Variants in MYO18B observed in about 807,000 individuals in gnomAD.
MYO18B encodes unconventional myosin-XVIIIb.
Under a neutral mutation model 273.0 loss-of-function variants are expected in MYO18B, and 204 were observed. The observed-to-expected ratio is 0.75, with a 90% confidence interval of 0.67 to 0.84. The LOEUF (loss-of-function observed/expected upper bound fraction) is 0.84, where lower values mean the gene tolerates loss of function less well. Among genes scored for constraint, MYO18B ranks in the 40% least tolerant of loss-of-function variants. The pLI is 0.00. For synonymous variants in MYO18B, 1,330 were observed against 1,305.7 expected (o/e 1.02, Z -0.40); for missense variants, 3,212 against 3,287.6 (o/e 0.98, Z 0.56).
intron 17 of MYO18B, among the ~76,000 whole-genome samples, chr22:25,838,251 T>C (rs1343377088): frequency 6.6e-6 from 1 of 151,808 alleles, no homozygotes. Flanking sequence ...CAGGCTAGAG[T>C]GCAGTGGCGC....
rs563397056 is a variant in MYO18B at position 25,753,180 on chromosome 22, C to T, written c.-109-7804C>T. On this transcript the variant is annotated intron_variant, in intron 1 of 43. Coordinates refer to ENST00000335473, the MANE Select transcript of MYO18B (RefSeq NM_032608.7). ...CAGTGCGGGAAGCTCAGCCCGTGGC[C>T]CCAGCGCAAGATCCACAAGGCGACC... Among the ~76,000 whole-genome samples, 32 of 152,262 alleles carry T rather than the reference C, an allele frequency of 2.1e-4. 2 individuals are homozygous for T. The highest frequency in any genetic ancestry group is 3.4e-3 in the Middle Eastern group (1 of 294).
At chr22:25,947,903 G>C in intron 36 of MYO18B, 75 bp downstream of exon 36, 1 of 1,080,048 alleles carries the variant, frequency 9.3e-7, no homozygotes, top group Non-Finnish European at 1.4e-6. Flanking sequence ...AGAAGGTGAT[G>C]TGGTTGGACT....
intron 21 of MYO18B, 118 bp downstream of exon 21, chr22:25,851,697 A>G: frequency 1.3e-6 from 1 of 759,698 alleles, no homozygotes; most frequent in Non-Finnish European, 2.2e-6. Context: ...GTGCTTTGGG[A>G]TACCCAGGTG....
chr22:25,843,851 C>G lies in MYO18B; in HGVS notation c.3325C>G (p.Leu1109Val). 1 of 1,613,434 alleles carries G rather than the reference C, an allele frequency of 6.2e-7. No individual in the cohort carries two copies. Among genetic ancestry groups the G allele is most frequent in the Non-Finnish European group, 8.5e-7 (1 of 1,179,408 alleles). Residue 1109 changes from leucine to valine, a missense_variant, in exon 18 of 44, where the codon CTC becomes GTC. Leu to Val is a conservative substitution (Grantham distance 32, BLOSUM62 1). Coordinates refer to ENST00000335473, the MANE Select transcript of MYO18B (RefSeq NM_032608.7). ...TGWLHRAKPN[L>V]SALDAPQVLH... The stretch of plus-strand genomic sequence containing the variant: ...CTGGCTCCACAGAGCCAAGCCCAAC[C>G]TCTCGGCCCTGGATGCACCCCAGGT...
chr22:26,010,118 A>G, intron 42 of MYO18B, among the ~76,000 whole-genome samples: 1 of 151,876 alleles, frequency 6.6e-6, no homozygotes, highest in Middle Eastern at 3.2e-3. Context: ...CCCATATTCA[A>G]CGAATCCGTA....
chr22:25,862,849 G>T (rs951935747), intron 21 of MYO18B, among the ~76,000 whole-genome samples: 7 of 150,508 alleles, frequency 4.7e-5, no homozygotes, highest in Non-Finnish European at 1.0e-4. Flanking sequence ...TTTTTTTTGG[G>T]GGGGGGTGTC....
At chr22:25,946,412 T>C (rs1367015367) in intron 35 of MYO18B, among the ~76,000 whole-genome samples, 162 bp downstream of exon 35, 2 of 151,970 alleles carry the variant, frequency 1.3e-5, no homozygotes, top group Non-Finnish European at 2.9e-5. Flanking sequence ...GTAGGCCTTT[T>C]ATGTGCTCAG....
At chr22:25,933,794 T>G (rs2092542313) in intron 34 of MYO18B, among the ~76,000 whole-genome samples, 1 of 152,236 alleles carries the variant, frequency 6.6e-6, no homozygotes, top group South Asian at 2.1e-4. Flanking sequence ...AACATTTTTT[T>G]GCACATTATT....
Position 25,769,586 on chromosome 22 carries a change from G to A in MYO18B, c.1512+158G>A, listed in dbSNP as rs138031200. Among the ~76,000 whole-genome samples, 166 of 152,272 alleles carry A rather than the reference G, an allele frequency of 1.1e-3. 2 individuals are homozygous for A. Among genetic ancestry groups the A allele is most frequent in the African/African-American group, 3.8e-3 (157 of 41,562 alleles). The stretch of plus-strand genomic sequence containing the variant: ...TGGAACTGCAAGGCACCCAGAGGAG[G>A]GGACGAGCACTTCCTCCATGAGCAG... On this transcript the variant is annotated intron_variant, in intron 4 of 43. Transcript: ENST00000335473.
the MYO18B span, among the ~76,000 whole-genome samples, chr22:26,045,237 TGG>T: frequency 1.3e-5 from 2 of 152,048 alleles, no homozygotes; most frequent in African/African-American, 2.4e-5. Flanking sequence ...ACCTGGAGCA[TGG>T]CTGAGTCACT....
chr22:25,991,021 T>C (rs1447732122), intron 39 of MYO18B, among the ~76,000 whole-genome samples: 1 of 117,342 alleles, frequency 8.5e-6, no homozygotes, highest in South Asian at 2.7e-4. Context: ...ATGATACTGC[T>C]CGGATCTATT....
intron 10 of MYO18B, 92 bp from the exon 11 acceptor site, chr22:25,785,336 G>C: frequency 7.7e-7 from 1 of 1,291,830 alleles, no homozygotes; most frequent in East Asian, 2.5e-5. Flanking sequence ...TGTCCGGGCA[G>C]TTGTGTGGAG....
At chr22:25,854,679 C>T (rs2090517189) in intron 21 of MYO18B, among the ~76,000 whole-genome samples, 1 of 152,202 alleles carries the variant, frequency 6.6e-6, no homozygotes, top group Non-Finnish European at 1.5e-5. Flanking sequence ...ATTCCTCCTC[C>T]CCTCAGGCTC....
intron 9 of MYO18B, 66 bp downstream of exon 9, chr22:25,780,264 AG>A: frequency 6.6e-7 from 1 of 1,524,252 alleles, no homozygotes; most frequent in East Asian, 2.4e-5. Context: ...CCCGGGACTC[AG>A]CAGAGCCCAC....
chr22:25,948,435 C>T (rs200101270), intron 36 of MYO18B, among the ~76,000 whole-genome samples: 3,185 of 110,778 alleles, frequency 0.029, 76 homozygotes, highest in East Asian at 0.057. Context: ...TCCTTCCTTC[C>T]TTCCTTCCTT....
At chr22:25,865,838 TTCAG>T (rs1272276163) in intron 21 of MYO18B, among the ~76,000 whole-genome samples, 6 of 152,338 alleles carry the variant, frequency 3.9e-5, no homozygotes, top group African/African-American at 1.4e-4. Flanking sequence ...CCATCTTATC[TTCAG>T]TCAATTTTTT....
At chr22:25,832,869 C>T (rs775446768) in intron 15 of MYO18B, 48 bp from the exon 16 acceptor site, 2 of 1,508,680 alleles carry the variant, frequency 1.3e-6, no homozygotes, top group African/African-American at 1.4e-5. Context: ...TTTTCTTCCC[C>T]CTTCAGCTCG....
intron 29 of MYO18B, chr22:25,900,383 G>A (rs1469146714): frequency 1.3e-5 from 2 of 152,244 alleles, no homozygotes; most frequent in African/African-American, 4.8e-5. Flanking sequence ...ATCTCTCGAT[G>A]CTTAATCGAA....
In MYO18B at chr22:25,833,015, C is replaced by T. The variant is rs373431325; in HGVS notation, c.3060+18C>T. The T allele has an allele frequency of 4.3e-6, 7 of 1,610,352 alleles. No individual in the cohort carries two copies. The highest frequency in any genetic ancestry group is 1.3e-5 in the African/African-American group (1 of 74,832). ...CCTCTCAGGTAACACAGGGCCCAGC[C>T]AATCCAGGCTCTCAGATGCCAGTTG... On this transcript the variant is annotated intron_variant, in intron 16 of 43. Coordinates refer to ENST00000335473, the MANE Select transcript of MYO18B (RefSeq NM_032608.7).
Sources: gnomAD v4.1 joint callset for allele counts (sites outside exome capture counted in the v4.1 genomes callset) on GRCh38, gnomAD v4.1.1 for gene constraint, MANE v1.5 for transcripts, NCBI Gene and HGNC (gene_info 2026-07-23, HGNC 2026-07-21) for gene names.